Variants in CLPTM1L observed in about 807,000 individuals in gnomAD.
CLPTM1L encodes CLPTM1 like.
Under a neutral mutation model 70.9 loss-of-function variants are expected in CLPTM1L, and 38 were observed. That is an observed-to-expected ratio of 0.54 (90% CI 0.41 to 0.70). CLPTM1L has a LOEUF of 0.70. CLPTM1L is among the 30% of genes least tolerant of loss of function. The pLI is 0.00. For missense variants in CLPTM1L, 652 were observed against 705.9 expected (o/e 0.92, Z 0.87); for synonymous variants, 339 against 299.9 (o/e 1.13, Z -1.35).
intron 15 of CLPTM1L, 102 bp downstream of exon 15, chr5:1,321,533 C>A: frequency 9.9e-7 from 1 of 1,013,232 alleles, no homozygotes; most frequent in Non-Finnish European, 1.6e-6. Flanking sequence ...GGTGCAGATG[C>A]ACTCTGGGCA....
intron 3 of CLPTM1L, among the ~76,000 whole-genome samples, chr5:1,341,446 C>T (rs1753929328): frequency 6.6e-6 from 1 of 152,188 alleles, no homozygotes; most frequent in African/African-American, 2.4e-5. Flanking sequence ...AGAATGCCAG[C>T]GATCACTTCA....
intron 7 of CLPTM1L, among the ~76,000 whole-genome samples, chr5:1,332,999 TAAGGGGG>T (rs1753214761): frequency 2.3e-5 from 3 of 132,226 alleles, no homozygotes; most frequent in East Asian, 2.3e-4. Context: ...GGGATGAGGA[TAAGGGGG>T]GAATACTGTA....
chr5:1,341,674 T>C lies in CLPTM1L; in HGVS notation c.450A>G (p.Thr150=). 2 of 1,603,978 alleles carry C rather than the reference T, an allele frequency of 1.2e-6. No homozygotes were observed. The highest frequency in any genetic ancestry group is 8.5e-7 in the Non-Finnish European group (1 of 1,171,898). ...AGTAACCCATGAAGACCCTCACCTG[T>C]GTATCAGACTCCCCGGTGAGCAGGT... ...EINLLTGESD[T]QQIEAEKKPT... Residue 150 remains threonine, a synonymous_variant, in exon 3 of 17, where the codon ACA becomes ACG. Transcript: ENST00000320895.
Position 1,337,893 on chromosome 5 carries a change from G to T in CLPTM1L, c.678+11C>A, listed in dbSNP as rs1214594828. 1 of 1,584,028 alleles carries T rather than the reference G, an allele frequency of 6.3e-7. No individual in the cohort carries two copies. Among genetic ancestry groups the T allele is most frequent in the Non-Finnish European group, 8.6e-7 (1 of 1,166,802 alleles). On this transcript the variant is annotated intron_variant, in intron 5 of 16. Transcript: ENST00000320895. The stretch of plus-strand genomic sequence containing the variant: ...CCAGCTGCACAACCAGCGGGCAGAG[G>T]TGTCACTCACCATCAGGTCCTTCAC...
intron 9 of CLPTM1L, 127 bp downstream of exon 9, chr5:1,330,153 A>G (rs968248061): frequency 5.2e-6 from 4 of 763,016 alleles, no homozygotes; most frequent in Non-Finnish European, 9.1e-6. Flanking sequence ...CTTCCAGAAC[A>G]CTGAGGCCAT....
chr5:1,339,440 C>T lies in CLPTM1L; in HGVS notation c.454-435G>A, dbSNP rs398747. On this transcript the variant is annotated intron_variant, in intron 3 of 16. Transcript: ENST00000320895. ...GGCCACACAGACGGGCAAACTGTGCCCGGGACAGCAGGGTCAGCGCCCTAA... is the reference window on the plus strand; with the variant it reads ...GGCCACACAGACGGGCAAACTGTGCTCGGGACAGCAGGGTCAGCGCCCTAA... Among the ~76,000 whole-genome samples, 296 of 119,836 alleles carry T rather than the reference C, an allele frequency of 2.5e-3. 1 individual carries two copies. The highest frequency in any genetic ancestry group is 0.014 in the Admixed American group (164 of 11,948). The allele number at this position is 119,836 out of a possible 152,430, so 78.6% of individuals were successfully genotyped here.
At chr5:1,330,720 A>G (rs1017251796) in intron 8 of CLPTM1L, 4 of 312,538 alleles carry the variant, frequency 1.3e-5, no homozygotes, top group Non-Finnish European at 2.4e-5. Context: ...CAGTTCTGTG[A>G]TAAGTGCGTG....
At chr5:1,321,416 T>A (rs1401253757) in intron 15 of CLPTM1L, among the ~76,000 whole-genome samples, 2 of 151,894 alleles carry the variant, frequency 1.3e-5, no homozygotes, top group Non-Finnish European at 2.9e-5. Context: ...ACCAAATCTG[T>A]GACAAGTGAG....
At chr5:1,343,798 G>C (rs1364835781) in intron 2 of CLPTM1L, among the ~76,000 whole-genome samples, 1 of 152,158 alleles carries the variant, frequency 6.6e-6, no homozygotes, top group African/African-American at 2.4e-5. Context: ...TGGTTGACTT[G>C]TGAGAAGCAA....
intron 3 of CLPTM1L, among the ~76,000 whole-genome samples, chr5:1,340,894 T>C (rs1753897714): frequency 6.6e-6 from 1 of 152,150 alleles, no homozygotes; most frequent in South Asian, 2.1e-4. Context: ...GCCTCCTGAG[T>C]AGCTGGGATT....
chr5:1,321,177 C>T (rs942873226), intron 15 of CLPTM1L, among the ~76,000 whole-genome samples: 1 of 152,220 alleles, frequency 6.6e-6, no homozygotes, highest in Non-Finnish European at 1.5e-5. Context: ...AAATCATGTC[C>T]CATTAACTCA....
chr5:1,335,099 A>G lies in CLPTM1L; in HGVS notation c.754T>C (p.Trp252Arg). The G allele has an allele frequency of 6.2e-7, 1 of 1,613,632 alleles. No homozygotes were observed. Among genetic ancestry groups the G allele is most frequent in the South Asian group, 1.1e-5 (1 of 91,088 alleles). ...TACACGGCGTCCTGCATGTGGATCCAGAAGCGCAGCCGCCCCAGTGAGACC... is the reference window on the plus strand; with the variant it reads ...TACACGGCGTCCTGCATGTGGATCCGGAAGCGCAGCCGCCCCAGTGAGACC... ...DKVSLGRLRFWIHMQDAVYSL... is the reference protein window; with the variant it reads ...DKVSLGRLRFRIHMQDAVYSL... Residue 252 changes from tryptophan to arginine, a missense_variant, in exon 6 of 17, where the codon TGG becomes CGG. Transcript: ENST00000320895.
chr5:1,342,037 TGTGCACGCGCACGC>T lies in CLPTM1L; in HGVS notation c.264-191_264-178del, dbSNP rs1228782930. Among the ~76,000 whole-genome samples the T allele has an allele frequency of 7.8e-6, 1 of 128,626 alleles. No homozygotes were observed. Among genetic ancestry groups the T allele is most frequent in the Non-Finnish European group, 1.6e-5 (1 of 62,266 alleles). The allele number at this position is 128,626 out of a possible 152,430, so 84.4% of individuals were successfully genotyped here. A position where few individuals can be genotyped will look rare whatever the true frequency, so the allele number is the denominator to read the frequency against. On this transcript the variant is annotated intron_variant, in intron 2 of 16. Coordinates refer to ENST00000320895, the MANE Select transcript of CLPTM1L (RefSeq NM_030782.5). The surrounding 1 kb of genome is among the most constrained non-coding windows in gnomAD (Gnocchi z 4.3). ...GTGTGTGTGTGTGTGTGTGTGTGTGTGTGCACGCGCACGCGTGCGCGTCCTGAGAACTCGGCACA... is the reference window on the plus strand; with the variant it reads ...GTGTGTGTGTGTGTGTGTGTGTGTGTGTGCGCGTCCTGAGAACTCGGCACA...
At position 1,341,821 on chromosome 5, in the gene CLPTM1L, A is replaced by G. The variant is rs142160762; in HGVS notation, c.303T>C (p.Asn101=). 4.3e-5 allele frequency: 69 copies of G among 1,613,930 alleles called. No homozygotes were observed. The highest frequency in any genetic ancestry group is 1.6e-4 in the South Asian group (15 of 91,080). ...GGAAGATGTAGGCATACAGCGTCCC[A>G]TTGTTTCTCGTTTTCTTTGGTACAG... is the stretch of plus-strand genomic sequence containing the variant. ...NVSVPKKTRN[N]GTLYAYIFLH... Residue 101 remains asparagine (N), a synonymous_variant, in exon 3 of 17, where the codon AAT becomes AAC. Coordinates refer to ENST00000320895, the MANE Select transcript of CLPTM1L (RefSeq NM_030782.5).
chr5:1,344,551 G>C lies in CLPTM1L; in HGVS notation c.163-100C>G, dbSNP rs935930536. On this transcript the variant is annotated intron_variant, in intron 1 of 16. Transcript: ENST00000320895. ...GAGGGCGGAAGACCTGGCCGCTGGG[G>C]AACCAGGAAAGGTTCCATCTCGACT... 4 of 1,459,642 alleles carry C rather than the reference G, an allele frequency of 2.7e-6. No homozygotes were observed. In the African/African-American group the frequency reaches 5.6e-5, roughly 20 times the overall value. 90.4% of individuals were successfully genotyped at this position (1,459,642 alleles called of 1,614,324 possible). A position where few individuals can be genotyped will look rare whatever the true frequency, so the allele number is the denominator to read the frequency against.
At chr5:1,334,172 TGAG>T in intron 7 of CLPTM1L, 114 bp downstream of exon 7, 1 of 675,950 alleles carries the variant, frequency 1.5e-6, no homozygotes, top group Non-Finnish European at 2.6e-6. Context: ...AGTGGACACT[TGAG>T]GGCCACAGGG....
At position 1,324,796 on chromosome 5, in the gene CLPTM1L, T is replaced by C. The variant is rs373628257; in HGVS notation, c.1164A>G (p.Glu388=). The C allele has an allele frequency of 2.5e-6, 4 of 1,614,150 alleles. No homozygotes were observed. Among genetic ancestry groups the C allele is most frequent in the Non-Finnish European group, 3.4e-6 (4 of 1,179,994 alleles). Residue 388 remains glutamate, a synonymous_variant, in exon 11 of 17, where the codon GAA becomes GAG. Transcript: ENST00000320895. ...CGTACTCCTCGGTTTTCCTCTCAGA[T>C]TCGCTGTAAGTGCCAAACTGTTGTG... ...MPEFQFGTYS[E]SERKTEEYDT...
chr5:1,331,387 G>T, intron 8 of CLPTM1L: 1 of 230,878 alleles, frequency 4.3e-6, no homozygotes, highest in South Asian at 9.0e-5. Flanking sequence ...CCAGGCCTGC[G>T]CTGGTCGGGG....
chr5:1,339,712 A>G (rs1753820786), intron 3 of CLPTM1L, among the ~76,000 whole-genome samples: 1 of 73,818 alleles, frequency 1.4e-5, no homozygotes, highest in African/African-American at 9.3e-5. Context: ...CAGCAGAGTC[A>G]GCGCCCTAAC....
Sources: gnomAD v4.1 joint callset for allele counts (sites outside exome capture counted in the v4.1 genomes callset) on GRCh38, gnomAD v4.1.1 for gene constraint, Gnocchi (gnomAD v3.1) non-coding constraint, MANE v1.5 for transcripts, NCBI Gene and HGNC (gene_info 2026-07-23, HGNC 2026-07-21) for gene names.